Variants in LNPEP observed in about 807,000 individuals in gnomAD.
The protein encoded by LNPEP is leucyl and cystinyl aminopeptidase, also known as leucyl-cystinyl aminopeptidase.
LNPEP carries 64 observed loss-of-function variants against 120.6 expected under a neutral mutation model. That is an observed-to-expected ratio of 0.53 (90% CI 0.43 to 0.65). The LOEUF (loss-of-function observed/expected upper bound fraction) is 0.65, where lower values mean the gene tolerates loss of function less well. Ranked by LOEUF, LNPEP falls within the 30% of genes least tolerant of loss-of-function variation. The pLI is 0.00. For synonymous variants in LNPEP, 435 were observed against 425.4 expected (o/e 1.02, Z -0.28); for missense variants, 1,057 against 1,200.0 (o/e 0.88, Z 1.76).
chr5:96,977,619 T>C (rs1055333133), intron 1 of LNPEP, among the ~76,000 whole-genome samples: 2 of 152,156 alleles, frequency 1.3e-5, no homozygotes, highest in African/African-American at 4.8e-5. Flanking sequence ...TGCTGCAGGG[T>C]CACAGGCCAC....
At position 96,979,676 on chromosome 5, in the gene LNPEP, C is replaced by T; in HGVS notation, c.558C>T (p.Thr186=). 1 of 1,614,110 alleles carries T rather than the reference C, an allele frequency of 6.2e-7. No individual in the cohort carries two copies. Among genetic ancestry groups the T allele is most frequent in the Non-Finnish European group, 8.5e-7 (1 of 1,179,974 alleles). Residue 186 remains threonine (T), a synonymous_variant, in exon 2 of 18, where the codon ACC becomes ACT. Transcript: ENST00000231368. ...RYELSLHPNL[T]SMTFRGSVTI... is the part of the protein sequence containing the mutation. ...AACTCAGCCTACACCCGAACCTAACCTCGATGACATTCAGGGGTTCTGTGA... is the reference window on the plus strand; with the variant it reads ...AACTCAGCCTACACCCGAACCTAACTTCGATGACATTCAGGGGTTCTGTGA...
At chr5:97,020,906 C>G (rs1440459589) in intron 13 of LNPEP, among the ~76,000 whole-genome samples, 2 of 152,114 alleles carry the variant, frequency 1.3e-5, no homozygotes, top group African/African-American at 4.8e-5. Flanking sequence ...TTTAAAATAT[C>G]ATGTGCCCTC....
chr5:97,021,229 A>G (rs1198458568), intron 13 of LNPEP, among the ~76,000 whole-genome samples: 1 of 92,690 alleles, frequency 1.1e-5, no homozygotes, highest in African/African-American at 4.2e-5. Flanking sequence ...TTGTTCAGCT[A>G]AAACAAGAAA....
At chr5:96,959,483 A>T (rs1389582383) in intron 1 of LNPEP, among the ~76,000 whole-genome samples, 1 of 152,220 alleles carries the variant, frequency 6.6e-6, no homozygotes, top group Non-Finnish European at 1.5e-5. Context: ...ATGGCTCATG[A>T]TCACCAAAAT....
intron 1 of LNPEP, chr5:96,937,471 G>C (rs1455494185): frequency 6.6e-6 from 1 of 152,160 alleles, no homozygotes; most frequent in Non-Finnish European, 1.5e-5. Context: ...GAATAGTCTG[G>C]TGAAGTTACT....
chr5:96,959,761 T>C (rs1200443425), intron 1 of LNPEP, among the ~76,000 whole-genome samples: 2 of 152,218 alleles, frequency 1.3e-5, no homozygotes, highest in South Asian at 2.1e-4. Context: ...AAGTTGAGTA[T>C]CTGAGGATTT....
chr5:97,014,017 G>A (rs1791001142), intron 12 of LNPEP, among the ~76,000 whole-genome samples, 186 bp downstream of exon 12: 1 of 152,102 alleles, frequency 6.6e-6, no homozygotes, highest in South Asian at 2.1e-4. Flanking sequence ...CGAACATACT[G>A]AACAGTTAAA....
intron 1 of LNPEP, among the ~76,000 whole-genome samples, chr5:96,939,295 C>A (rs1383292982): frequency 6.6e-6 from 1 of 150,420 alleles, no homozygotes; most frequent in Non-Finnish European, 1.5e-5. Flanking sequence ...CTCACTGCAA[C>A]CTCTGCCTCC....
chr5:96,972,557 C>G (rs1354683970), intron 1 of LNPEP, among the ~76,000 whole-genome samples: 1 of 152,026 alleles, frequency 6.6e-6, no homozygotes, highest in Admixed American at 6.6e-5. Context: ...CTGCACGTGC[C>G]CCCCTTCACC....
chr5:96,982,321 G>A (rs796723512), intron 2 of LNPEP, among the ~76,000 whole-genome samples: 5 of 152,212 alleles, frequency 3.3e-5, no homozygotes, highest in African/African-American at 1.2e-4. Context: ...TAATTGTCTT[G>A]AACACTACTT....
chr5:97,022,210 C>T (rs1258756691), intron 13 of LNPEP, 90 bp from the exon 14 acceptor site: 12 of 803,212 alleles, frequency 1.5e-5, no homozygotes, highest in East Asian at 5.2e-5. Flanking sequence ...ATTACAGGCA[C>T]GAGACACTGC....
At position 96,976,903 on chromosome 5, in the gene LNPEP, A is replaced by G. The variant is rs1010072160; in HGVS notation, c.20-2235A>G. On this transcript the variant is annotated intron_variant, in intron 1 of 17. Coordinates refer to ENST00000231368, the MANE Select transcript of LNPEP (RefSeq NM_005575.3). ...AATGAAGTGTATGACCCAAAACACT[A>G]TTAACTATCAAAACAGAACATACTT... Among the ~76,000 whole-genome samples the G allele has an allele frequency of 5.5e-5, 8 of 145,334 alleles. No individual in the cohort carries two copies. The Admixed American group carries it at 5.7e-4, about 10-fold the overall frequency.
intron 14 of LNPEP, 128 bp from the exon 15 acceptor site, chr5:97,024,393 C>T: frequency 1.2e-6 from 1 of 813,948 alleles, no homozygotes; most frequent in East Asian, 2.5e-5. Flanking sequence ...TTTCTCAACC[C>T]TAAATTGTGT....
intron 11 of LNPEP, among the ~76,000 whole-genome samples, chr5:97,009,045 C>G (rs1790862757): frequency 6.6e-6 from 1 of 152,126 alleles, no homozygotes; most frequent in African/African-American, 2.4e-5. Context: ...ACTGCTTTAG[C>G]CTTCTAGGCC....
In LNPEP at chr5:96,974,643, G is replaced by T. The variant is rs1366726786; in HGVS notation, c.20-4495G>T. On this transcript the variant is annotated intron_variant, in intron 1 of 17. Coordinates refer to ENST00000231368, the MANE Select transcript of LNPEP (RefSeq NM_005575.3). Reference sequence around the variant, plus strand: ...TGATAAACTACTACATACCTTCAAAGAATAGTCTGCAGTCCTTGTTTTCTT... The same window carrying T: ...TGATAAACTACTACATACCTTCAAATAATAGTCTGCAGTCCTTGTTTTCTT... 2.6e-5 allele frequency among the ~76,000 whole-genome samples: 4 copies of T among 151,940 alleles called. No homozygotes were observed. The East Asian group carries it at 7.7e-4, about 29-fold the overall frequency.
Position 96,998,131 on chromosome 5 carries a change from C to G in LNPEP, c.1639C>G (p.Leu547Val). Reference sequence around the variant, plus strand: ...ACAAATTGAAGAAATGTTTGATTCTCTTTCCTATTTTAAGGTATTGCTGTG... The same window carrying G: ...ACAAATTGAAGAAATGTTTGATTCTGTTTCCTATTTTAAGGTATTGCTGTG... ...SEQIEEMFDS[L>V]SYFKGSSLLL... The change falls in exon 8 of 18, where the codon CTT becomes GTT. Residue 547 changes from leucine to valine, a missense_variant. By Grantham distance (32) the Leu-to-Val change is conservative (BLOSUM62 1). Transcript: ENST00000231368. 1 of 1,598,618 alleles carries G rather than the reference C, an allele frequency of 6.3e-7. No homozygotes were observed. Among genetic ancestry groups the G allele is most frequent in the South Asian group, 1.1e-5 (1 of 88,266 alleles).
At chr5:96,951,602 G>A (rs370013748) in intron 1 of LNPEP, among the ~76,000 whole-genome samples, 2 of 152,134 alleles carry the variant, frequency 1.3e-5, no homozygotes, top group African/African-American at 2.4e-5. Flanking sequence ...TGTCGGGGGC[G>A]GGATGGGGGA....
At chr5:96,974,233 C>G (rs947855265) in intron 1 of LNPEP, among the ~76,000 whole-genome samples, 1 of 152,226 alleles carries the variant, frequency 6.6e-6, no homozygotes, top group Non-Finnish European at 1.5e-5. Context: ...TCTGCTCAAG[C>G]CCCTATGCCT....
At chr5:96,943,951 G>T (rs1312781233) in intron 1 of LNPEP, among the ~76,000 whole-genome samples, 1 of 152,180 alleles carries the variant, frequency 6.6e-6, no homozygotes, top group East Asian at 1.9e-4. Context: ...CAATGATCTG[G>T]GGTGAAGGAA....
Sources: gnomAD v4.1 joint callset for allele counts (sites outside exome capture counted in the v4.1 genomes callset) on GRCh38, gnomAD v4.1.1 for gene constraint, MANE v1.5 for transcripts, NCBI Gene and HGNC (gene_info 2026-07-23, HGNC 2026-07-21) for gene names.